Variants in MCHR2 observed in about 807,000 individuals in gnomAD.
MCHR2 encodes melanin concentrating hormone receptor 2, also known as melanin-concentrating hormone receptor 2.
A neutral mutation model predicts 24.8 loss-of-function variants in MCHR2; 15 were observed. The observed-to-expected ratio is 0.60, with a 90% confidence interval of 0.40 to 0.93. The LOEUF (loss-of-function observed/expected upper bound fraction) is 0.93, where lower values mean the gene tolerates loss of function less well. Among genes scored for constraint, MCHR2 ranks in the 40% least tolerant of loss-of-function variants. The pLI is 0.00. For synonymous variants in MCHR2, 151 were observed against 147.6 expected, an observed-to-expected ratio of 1.02 and a Z score of -0.17; for missense variants, 386 against 408.7, an observed-to-expected ratio of 0.94 and a Z score of 0.48.
chr6:99,936,184 G>A (rs1774657024), intron 4 of MCHR2, among the ~76,000 whole-genome samples: 1 of 151,876 alleles, frequency 6.6e-6, no homozygotes, highest in South Asian at 2.1e-4. Flanking sequence ...TCTTTGCTGT[G>A]CAGAAGCTTT....
chr6:99,971,922 T>C (rs1775431434), intron 1 of MCHR2, among the ~76,000 whole-genome samples: 1 of 152,244 alleles, frequency 6.6e-6, no homozygotes, highest in South Asian at 2.1e-4. Context: ...CATTTGATCA[T>C]GGTGGATAAG....
At chr6:99,930,533 C>A (rs925686587) in intron 5 of MCHR2, among the ~76,000 whole-genome samples, 1 of 152,066 alleles carries the variant, frequency 6.6e-6, no homozygotes, top group African/African-American at 2.4e-5. Flanking sequence ...AGGCTTTGTT[C>A]GTTTCTTTTT....
chr6:99,968,457 G>A lies in MCHR2; in HGVS notation c.-27-12283C>T, dbSNP rs543393206. Among the ~76,000 whole-genome samples, 6 of 152,210 alleles carry A rather than the reference G, an allele frequency of 3.9e-5. No individual in the cohort carries two copies. In the South Asian group the frequency reaches 1.2e-3, roughly 32 times the overall value. ...CTCTCATAGCTACACAGCAAGCTAG[G>A]GGTCATTCTACCTCTCACATCTCAG... On this transcript the variant is annotated intron_variant, in intron 1 of 5. Coordinates refer to ENST00000281806, the MANE Select transcript of MCHR2 (RefSeq NM_001040179.2).
intron 1 of MCHR2, among the ~76,000 whole-genome samples, chr6:99,977,917 A>G (rs1359174266): frequency 6.6e-6 from 1 of 152,206 alleles, no homozygotes; most frequent in Admixed American, 6.5e-5. Flanking sequence ...ATCTTGGACC[A>G]TATCACTGCT....
chr6:99,943,493 A>G (rs201816726), intron 3 of MCHR2, among the ~76,000 whole-genome samples: 22 of 149,394 alleles, frequency 1.5e-4, no homozygotes, highest in South Asian at 4.3e-4. Context: ...CCCTCCCCCA[A>G]CCCCACAACA....
At chr6:99,938,770 A>G (rs1774716156) in intron 4 of MCHR2, among the ~76,000 whole-genome samples, 1 of 152,036 alleles carries the variant, frequency 6.6e-6, no homozygotes, top group Admixed American at 6.6e-5. Context: ...ATCTGTCGAT[A>G]ACAGAGAATG....
At chr6:99,978,462 A>G (rs1174607489) in intron 1 of MCHR2, among the ~76,000 whole-genome samples, 4 of 118,362 alleles carry the variant, frequency 3.4e-5, no homozygotes, top group African/African-American at 1.3e-4. Context: ...TTGCTCTGTC[A>G]GGCTAGAGTG....
chr6:99,970,283 T>C (rs1180526532), intron 1 of MCHR2, among the ~76,000 whole-genome samples: 1 of 152,134 alleles, frequency 6.6e-6, no homozygotes. Context: ...CTCATTGTGG[T>C]TTTGATTTGC....
intron 1 of MCHR2, among the ~76,000 whole-genome samples, chr6:99,984,925 A>G (rs1038136808): frequency 2.6e-5 from 4 of 152,072 alleles, no homozygotes; most frequent in Admixed American, 1.3e-4. Context: ...TGCCTAGAGA[A>G]CCCTAAGGAC....
chr6:99,956,902 T>A (rs1305263396), intron 1 of MCHR2, among the ~76,000 whole-genome samples: 1 of 152,122 alleles, frequency 6.6e-6, no homozygotes, highest in Admixed American at 6.6e-5. Flanking sequence ...ATTGGATTAC[T>A]CAGATTAATC....
intron 1 of MCHR2, among the ~76,000 whole-genome samples, chr6:99,979,725 G>T (rs539571151): frequency 3.9e-5 from 6 of 152,282 alleles, no homozygotes; most frequent in Admixed American, 3.9e-4. Context: ...GCCTGGGAAA[G>T]CTGACTATAG....
intron 4 of MCHR2, among the ~76,000 whole-genome samples, chr6:99,936,920 T>C (rs1440134952): frequency 6.6e-6 from 1 of 151,924 alleles, no homozygotes; most frequent in East Asian, 1.9e-4. Flanking sequence ...TGTATAGATA[T>C]ATCACTTCTT....
At chr6:99,938,811 T>C (rs1013631969) in intron 4 of MCHR2, among the ~76,000 whole-genome samples, 1 of 152,096 alleles carries the variant, frequency 6.6e-6, no homozygotes, top group African/African-American at 2.4e-5. Flanking sequence ...ATTATTGCAT[T>C]GCAGCCCTCT....
chr6:99,942,888 A>G (rs1305331397), intron 4 of MCHR2, 61 bp downstream of exon 4: 1 of 1,412,986 alleles, frequency 7.1e-7, no homozygotes, highest in Non-Finnish European at 9.7e-7. Context: ...CATGTTGACA[A>G]GGAGAATGAA....
chr6:99,929,386 G>T (rs367910201), intron 5 of MCHR2, among the ~76,000 whole-genome samples: 1 of 151,992 alleles, frequency 6.6e-6, no homozygotes, highest in Non-Finnish European at 1.5e-5. Flanking sequence ...CAATTCCTGG[G>T]TATCCTTGTT....
intron 1 of MCHR2, among the ~76,000 whole-genome samples, chr6:99,990,316 C>T (rs1775846839): frequency 6.6e-6 from 1 of 152,132 alleles, no homozygotes; most frequent in African/African-American, 2.4e-5. Flanking sequence ...AAAACTTGTT[C>T]TCATAAAACA....
chr6:99,969,229 AC>A, intron 1 of MCHR2, among the ~76,000 whole-genome samples: 1 of 152,052 alleles, frequency 6.6e-6, no homozygotes, highest in East Asian at 1.9e-4. Context: ...TAATCCCAGC[AC>A]TTTGGGAGGC....
At chr6:99,931,164 C>T (rs536076254) in intron 5 of MCHR2, among the ~76,000 whole-genome samples, 22 of 152,250 alleles carry the variant, frequency 1.4e-4, no homozygotes, top group Middle Eastern at 3.4e-3. Context: ...TTTCGTGAAC[C>T]GCGAATGCTG....
chr6:99,935,968 T>C (rs1447698390), intron 4 of MCHR2, among the ~76,000 whole-genome samples: 1 of 152,038 alleles, frequency 6.6e-6, no homozygotes, highest in Non-Finnish European at 1.5e-5. Context: ...GCACTTTTTA[T>C]GTACCCATTG....
Sources: allele counts gnomAD v4.1 joint callset (sites outside exome capture counted in the v4.1 genomes callset), GRCh38; gene constraint gnomAD v4.1.1; transcripts MANE v1.5; gene names NCBI Gene and HGNC (gene_info 2026-07-23, HGNC 2026-07-21).